DPP10: variants seen among roughly 807,000 people sequenced by gnomAD.
The protein encoded by DPP10 is dipeptidyl peptidase like 10, also known as inactive dipeptidyl peptidase 10.
A neutral mutation model predicts 120.9 loss-of-function variants in DPP10; 33 were observed. The observed-to-expected ratio is 0.27, with a 90% CI of 0.21 to 0.37. The LOEUF is 0.37. Among genes scored for constraint, DPP10 ranks in the 10% least tolerant of loss-of-function variants. DPP10 has a pLI of 1.00. For synonymous variants in DPP10, 337 were observed against 326.1 expected, an observed-to-expected ratio of 1.03 and a Z score of -0.36; for missense variants, 816 against 942.8, an observed-to-expected ratio of 0.87 and a Z score of 1.76.
chr2:114,700,238 A>G (rs1573996197), intron 1 of DPP10, among the ~76,000 whole-genome samples: 1 of 151,364 alleles, frequency 6.6e-6, no homozygotes, highest in Non-Finnish European at 1.5e-5. Context: ...AGAATCAATC[A>G]CCTCCCCACA....
chr2:115,554,321 T>C (rs2149017887), intron 5 of DPP10, among the ~76,000 whole-genome samples: 1 of 152,002 alleles, frequency 6.6e-6, no homozygotes, highest in Admixed American at 6.6e-5. Flanking sequence ...ATCAAGTTTC[T>C]ATTTTTAGTT....
chr2:114,660,872 C>T (rs1697348035), intron 1 of DPP10, among the ~76,000 whole-genome samples: 1 of 152,072 alleles, frequency 6.6e-6, no homozygotes, highest in Non-Finnish European at 1.5e-5. Flanking sequence ...GCAACTCTTA[C>T]TTTTAGATGA....
intron 1 of DPP10, among the ~76,000 whole-genome samples, chr2:115,187,296 A>G (rs978467292): frequency 3.3e-5 from 5 of 151,780 alleles, no homozygotes; most frequent in Non-Finnish European, 7.4e-5. Context: ...TCGGCCTCCC[A>G]AAGTGCTGGG....
intron 1 of DPP10, among the ~76,000 whole-genome samples, chr2:115,013,870 C>A (rs1348482641): frequency 1.3e-5 from 2 of 152,038 alleles, no homozygotes; most frequent in African/African-American, 4.8e-5. Context: ...TACAAAGAGA[C>A]TTAGACCCCC....
chr2:114,656,023 T>C (rs528704261), intron 1 of DPP10, among the ~76,000 whole-genome samples: 1 of 152,284 alleles, frequency 6.6e-6, no homozygotes, highest in South Asian at 2.1e-4. Flanking sequence ...CTAAGGTGAA[T>C]TGACTACAGG....
intron 7 of DPP10, among the ~76,000 whole-genome samples, chr2:115,704,389 T>C (rs545798159): frequency 6.6e-6 from 1 of 152,126 alleles, no homozygotes; most frequent in African/African-American, 2.4e-5. Flanking sequence ...TTTTTAATAC[T>C]ATTTATTTAT....
intron 4 of DPP10, among the ~76,000 whole-genome samples, chr2:115,516,848 A>C (rs890769580): frequency 6.6e-6 from 1 of 152,160 alleles, no homozygotes; most frequent in African/African-American, 2.4e-5. Flanking sequence ...CTTTTTATCA[A>C]AAAATATTGT....
chr2:115,212,565 G>A (rs558093669), intron 1 of DPP10, among the ~76,000 whole-genome samples: 58 of 152,110 alleles, frequency 3.8e-4, no homozygotes, highest in African/African-American at 1.4e-3. Context: ...CGATATTTTT[G>A]TGTTTAGAAT....
chr2:115,645,927 A>G (rs955351455), intron 5 of DPP10, among the ~76,000 whole-genome samples: 2 of 152,160 alleles, frequency 1.3e-5, no homozygotes, highest in African/African-American at 4.8e-5. Flanking sequence ...AAAGCACAAC[A>G]TAAATATCAT....
intron 1 of DPP10, among the ~76,000 whole-genome samples, chr2:115,028,912 C>T (rs1703653788): frequency 6.6e-6 from 1 of 152,028 alleles, no homozygotes; most frequent in Non-Finnish European, 1.5e-5. Flanking sequence ...CACAGAATGG[C>T]TTCTTCTATC....
intron 1 of DPP10, among the ~76,000 whole-genome samples, chr2:115,242,567 T>C (rs1458212743): frequency 6.6e-6 from 1 of 152,138 alleles, no homozygotes; most frequent in Non-Finnish European, 1.5e-5. Context: ...CTACTTTTAG[T>C]TCTTTAAGGG....
intron 1 of DPP10, among the ~76,000 whole-genome samples, chr2:114,496,347 A>G (rs1209264313): frequency 6.6e-6 from 1 of 152,156 alleles, no homozygotes; most frequent in Non-Finnish European, 1.5e-5. Flanking sequence ...AGTGTTGCTT[A>G]TACTATTTTG....
intron 3 of DPP10, among the ~76,000 whole-genome samples, chr2:115,358,017 C>A (rs1197454671): frequency 1.3e-5 from 2 of 152,052 alleles, no homozygotes; most frequent in African/African-American, 4.8e-5. Flanking sequence ...TTTCTCCTAG[C>A]CCTCTGTGCC....
intron 1 of DPP10, among the ~76,000 whole-genome samples, chr2:115,148,802 C>G (rs1325834449): frequency 1.3e-5 from 2 of 152,124 alleles, no homozygotes; most frequent in African/African-American, 4.8e-5. Context: ...ATCTTGCTAG[C>G]CATCCAGAAG....
chr2:115,600,166 G>A (rs973958180), intron 5 of DPP10, among the ~76,000 whole-genome samples: 1 of 151,912 alleles, frequency 6.6e-6, no homozygotes, highest in Non-Finnish European at 1.5e-5. Flanking sequence ...GGGATTTTAC[G>A]CTATGCTGCC....
intron 1 of DPP10, among the ~76,000 whole-genome samples, chr2:114,521,964 C>T (rs1464862019): frequency 3.5e-5 from 5 of 142,784 alleles, no homozygotes; most frequent in African/African-American, 7.8e-5. Flanking sequence ...CCCGCCACCG[C>T]GCCCGGCTAA....
At chr2:115,807,859 A>C (rs574541020) in intron 19 of DPP10, among the ~76,000 whole-genome samples, 52 of 152,118 alleles carry the variant, frequency 3.4e-4, no homozygotes, top group Non-Finnish European at 6.3e-4. Context: ...AACACGAAAA[A>C]TTCTGATTGA....
rs995909968 is a variant in DPP10 at position 114,544,718 on chromosome 2, ATTATAT to A, written c.60+101887_60+101892del. Among the ~76,000 whole-genome samples, 22 of 152,170 alleles carry A rather than the reference ATTATAT, an allele frequency of 1.4e-4. 1 individual carries two copies. The highest frequency in any genetic ancestry group is 1.2e-3 in the East Asian group (6 of 5,180). The stretch of plus-strand genomic sequence containing the variant: ...TAATAATTAAGTGCTCAATTTATTG[ATTATAT>A]TTATATAAGCTACTACATAGCAATA... On this transcript the variant is annotated intron_variant, in intron 1 of 25. Transcript: ENST00000410059.
At chr2:114,496,626 C>G (rs1397934157) in intron 1 of DPP10, among the ~76,000 whole-genome samples, 1 of 152,024 alleles carries the variant, frequency 6.6e-6, no homozygotes. Flanking sequence ...AAAGGCCCCA[C>G]CTCCTGATAT....
Sources: allele counts gnomAD v4.1 joint callset (sites outside exome capture counted in the v4.1 genomes callset), GRCh38; gene constraint gnomAD v4.1.1; transcripts MANE v1.5; gene names NCBI Gene and HGNC (gene_info 2026-07-23, HGNC 2026-07-21).